The following KCND2 variants were observed in gnomAD, a reference collection of about 807,000 sequenced individuals.
KCND2 encodes potassium voltage-gated channel subfamily D member 2.
Under a neutral mutation model 54.4 loss-of-function variants are expected in KCND2, and 16 were observed. The observed-to-expected ratio is 0.29, with a 90% confidence interval of 0.20 to 0.45. KCND2 has a LOEUF of 0.45. Ranked by LOEUF, KCND2 falls within the 20% of genes least tolerant of loss-of-function variation. KCND2 has a pLI of 1.00. For synonymous variants in KCND2, 317 were observed against 310.7 expected (o/e 1.02, Z -0.21); for missense variants, 486 against 824.2 (o/e 0.59, Z 5.02).
chr7:120,595,347 A>T (rs1371765475), intron 1 of KCND2, among the ~76,000 whole-genome samples: 1 of 151,094 alleles, frequency 6.6e-6, no homozygotes, highest in African/African-American at 2.4e-5. Flanking sequence ...GCTACTCAGG[A>T]GGCTGAGACA....
chr7:120,446,940 T>C (rs953235089), intron 1 of KCND2, among the ~76,000 whole-genome samples: 1 of 152,198 alleles, frequency 6.6e-6, no homozygotes, highest in Non-Finnish European at 1.5e-5. Context: ...CTTCAGGAGA[T>C]TCAAACTTTC....
intron 1 of KCND2, among the ~76,000 whole-genome samples, chr7:120,523,163 G>A (rs1791720562): frequency 6.6e-6 from 1 of 152,116 alleles, no homozygotes; most frequent in African/African-American, 2.4e-5. Flanking sequence ...ACCATTCTGT[G>A]ATTGTGTTGT....
intron 1 of KCND2, among the ~76,000 whole-genome samples, chr7:120,702,853 A>T (rs1476533213): frequency 6.6e-6 from 1 of 152,182 alleles, no homozygotes; most frequent in Non-Finnish European, 1.5e-5. Flanking sequence ...TACCTGAGTG[A>T]CAAAATAATC....
At chr7:120,712,649 A>T (rs996817351) in intron 1 of KCND2, among the ~76,000 whole-genome samples, 2 of 152,178 alleles carry the variant, frequency 1.3e-5, no homozygotes, top group African/African-American at 4.8e-5. Context: ...ACAAATGTCC[A>T]TAATGAAAAG....
chr7:120,728,894 G>C (rs1792770613), intron 1 of KCND2, among the ~76,000 whole-genome samples: 1 of 152,056 alleles, frequency 6.6e-6, no homozygotes, highest in Non-Finnish European at 1.5e-5. Flanking sequence ...AAATAATAAA[G>C]TACCAACAGG....
intron 1 of KCND2, among the ~76,000 whole-genome samples, chr7:120,662,973 G>T (rs1419687733): frequency 2.0e-5 from 3 of 152,158 alleles, no homozygotes; most frequent in African/African-American, 7.2e-5. Context: ...GCAGGAATAT[G>T]ACTAGAACTA....
chr7:120,442,867 A>G (rs1195475458), intron 1 of KCND2, among the ~76,000 whole-genome samples: 1 of 152,176 alleles, frequency 6.6e-6, no homozygotes, highest in African/African-American at 2.4e-5. Flanking sequence ...ACTTTAAACT[A>G]TTAATAAAAG....
chr7:120,471,620 C>T lies in KCND2; in HGVS notation c.1115+195873C>T, dbSNP rs149968386. 5.9e-3 allele frequency among the ~76,000 whole-genome samples: 901 copies of T among 152,184 alleles called. 8 individuals are homozygous for T. Among genetic ancestry groups the T allele is most frequent in the Non-Finnish European group, 1.0e-2 (679 of 67,968 alleles). ...ATTTCACTTGTAGCCTATTTAATCTCTCTAAGACTTTAATTTACTATCACC... is the reference window on the plus strand; with the variant it reads ...ATTTCACTTGTAGCCTATTTAATCTTTCTAAGACTTTAATTTACTATCACC... On this transcript the variant is annotated intron_variant, in intron 1 of 5. Coordinates refer to ENST00000331113, the MANE Select transcript of KCND2 (RefSeq NM_012281.3).
chr7:120,547,390 T>G (rs901187785), intron 1 of KCND2, among the ~76,000 whole-genome samples: 3 of 152,006 alleles, frequency 2.0e-5, no homozygotes, highest in Non-Finnish European at 2.9e-5. Context: ...AAAGTCGGTT[T>G]TTGTAGGTCA....
intron 1 of KCND2, among the ~76,000 whole-genome samples, chr7:120,542,937 A>G (rs1380054581): frequency 6.6e-6 from 1 of 152,104 alleles, no homozygotes; most frequent in African/African-American, 2.4e-5. Flanking sequence ...GGATCATTTG[A>G]CCCAACTTAC....
intron 1 of KCND2, among the ~76,000 whole-genome samples, chr7:120,717,762 A>C (rs1792620978): frequency 6.6e-6 from 1 of 151,992 alleles, no homozygotes; most frequent in African/African-American, 2.4e-5. Context: ...CTCTAGATTC[A>C]GTTCAAATCT....
chr7:120,523,091 A>G (rs1791719933), intron 1 of KCND2, among the ~76,000 whole-genome samples: 1 of 152,158 alleles, frequency 6.6e-6, no homozygotes, highest in Non-Finnish European at 1.5e-5. Context: ...TTGCAGTTTT[A>G]AATATTTGTA....
At chr7:120,558,287 G>A (rs946687291) in intron 1 of KCND2, among the ~76,000 whole-genome samples, 1 of 152,092 alleles carries the variant, frequency 6.6e-6, no homozygotes, top group African/African-American at 2.4e-5. Context: ...GAATATAAAT[G>A]GCCCTGATGA....
intron 1 of KCND2, among the ~76,000 whole-genome samples, chr7:120,445,100 C>T (rs1185582542): frequency 6.6e-6 from 1 of 151,976 alleles, no homozygotes; most frequent in African/African-American, 2.4e-5. Context: ...CTCGATATCA[C>T]TAAATAAAGG....
chr7:120,534,807 C>T (rs1240322767), intron 1 of KCND2, among the ~76,000 whole-genome samples: 1 of 152,048 alleles, frequency 6.6e-6, no homozygotes, highest in Non-Finnish European at 1.5e-5. Flanking sequence ...AAGGATGTCT[C>T]TTGTACTGTC....
chr7:120,313,814 G>A (rs1339632605), intron 1 of KCND2, among the ~76,000 whole-genome samples: 2 of 137,366 alleles, frequency 1.5e-5, no homozygotes, highest in African/African-American at 2.7e-5. Flanking sequence ...TTAGAATCCT[G>A]TGATATTCTA....
intron 1 of KCND2, among the ~76,000 whole-genome samples, chr7:120,558,882 T>C (rs1792197468): frequency 6.6e-6 from 1 of 152,088 alleles, no homozygotes; most frequent in African/African-American, 2.4e-5. Context: ...CAGGGAATAA[T>C]AGTATAAAAG....
chr7:120,518,163 T>C lies in KCND2; in HGVS notation c.1116-214740T>C, dbSNP rs73437842. On this transcript the variant is annotated intron_variant, in intron 1 of 5. Transcript: ENST00000331113. The stretch of plus-strand genomic sequence containing the variant: ...GGAAAGCACACTTGTGGCATTGTAC[T>C]AGACCCTTTACACATATTATCTTAT... Among the ~76,000 whole-genome samples, 541 of 152,264 alleles carry C rather than the reference T, an allele frequency of 3.6e-3. 1 individual carries two copies. Among genetic ancestry groups the C allele is most frequent in the African/African-American group, 0.012 (499 of 41,566 alleles).
At chr7:120,434,242 A>G (rs1204251156) in intron 1 of KCND2, among the ~76,000 whole-genome samples, 1 of 152,232 alleles carries the variant, frequency 6.6e-6, no homozygotes, top group East Asian at 1.9e-4. Context: ...TTCCTAAGAC[A>G]GTTTGAGTAA....
Sources: allele counts gnomAD v4.1 joint callset (sites outside exome capture counted in the v4.1 genomes callset), GRCh38; gene constraint gnomAD v4.1.1; transcripts MANE v1.5; gene names NCBI Gene and HGNC (gene_info 2026-07-23, HGNC 2026-07-21).